Variants in CAB39L observed in about 807,000 individuals in gnomAD.
CAB39L encodes the protein calcium binding protein 39 like, also known as calcium-binding protein 39-like.
Under a neutral mutation model 39.1 loss-of-function variants are expected in CAB39L, and 23 were observed. That is an observed-to-expected ratio of 0.59 (90% CI 0.42 to 0.83). CAB39L has a LOEUF of 0.83. Ranked by LOEUF, CAB39L falls within the 40% of genes least tolerant of loss-of-function variation. The probability of loss-of-function intolerance (pLI) is 0.00; values close to 1 mark genes in which losing one functional copy is unlikely to be tolerated. For missense variants in CAB39L, 366 were observed against 391.9 expected (o/e 0.93, Z 0.56); for synonymous variants, 126 against 137.2 (o/e 0.92, Z 0.57).
chr13:49,326,793 ATCT>A (rs2138373080), intron 10 of CAB39L, among the ~76,000 whole-genome samples: 1 of 152,246 alleles, frequency 6.6e-6, no homozygotes, highest in East Asian at 1.9e-4. Context: ...CCAAATTCTG[ATCT>A]TCTCAGAGGA....
At chr13:49,428,778 T>C (rs1957278251) in intron 3 of CAB39L, among the ~76,000 whole-genome samples, 1 of 152,162 alleles carries the variant, frequency 6.6e-6, no homozygotes, top group Admixed American at 6.5e-5. Context: ...GTATGTGGCA[T>C]TTTTTGCCTC....
chr13:49,324,105 A>T (rs1297640910), intron 10 of CAB39L, among the ~76,000 whole-genome samples: 1 of 152,034 alleles, frequency 6.6e-6, no homozygotes, highest in Non-Finnish European at 1.5e-5. Context: ...TGAGGTCAGG[A>T]GTTTGAGAAC....
intron 3 of CAB39L, among the ~76,000 whole-genome samples, chr13:49,383,537 G>A (rs1319004910): frequency 6.6e-6 from 1 of 152,116 alleles, no homozygotes; most frequent in Non-Finnish European, 1.5e-5. Context: ...ATTTTAAAAA[G>A]AAGCCAAATG....
chr13:49,331,019 G>A (rs979993955), intron 10 of CAB39L, among the ~76,000 whole-genome samples: 9 of 152,126 alleles, frequency 5.9e-5, no homozygotes, highest in Non-Finnish European at 1.2e-4. Flanking sequence ...ATAAAATTAG[G>A]ATATCAGTTG....
At chr13:49,334,084 T>C (rs1954786213) in intron 9 of CAB39L, among the ~76,000 whole-genome samples, 1 of 152,186 alleles carries the variant, frequency 6.6e-6, no homozygotes, top group African/African-American at 2.4e-5. Context: ...CTACCAATTT[T>C]CTGTTTTTAA....
At chr13:49,416,989 C>G (rs530724762) in intron 3 of CAB39L, among the ~76,000 whole-genome samples, 1 of 152,226 alleles carries the variant, frequency 6.6e-6, no homozygotes, top group East Asian at 1.9e-4. Flanking sequence ...AAATGTTAGT[C>G]TATAGTAATT....
At chr13:49,435,560 G>A (rs1957396597) in intron 1 of CAB39L, among the ~76,000 whole-genome samples, 1 of 152,140 alleles carries the variant, frequency 6.6e-6, no homozygotes, top group African/African-American at 2.4e-5. Context: ...GAGTGCAGCG[G>A]CATGATCTGG....
chr13:49,375,180 T>C (rs1022026442), intron 5 of CAB39L, among the ~76,000 whole-genome samples: 3 of 152,164 alleles, frequency 2.0e-5, no homozygotes, highest in Middle Eastern at 3.2e-3. Flanking sequence ...TATATGTATA[T>C]ATTTTTATTT....
chr13:49,409,591 T>C (rs1444692271), intron 3 of CAB39L, among the ~76,000 whole-genome samples: 2 of 151,828 alleles, frequency 1.3e-5, no homozygotes, highest in African/African-American at 4.8e-5. Flanking sequence ...AGTGGAATAA[T>C]ATATATTTTT....
At chr13:49,415,161 C>T (rs1328198539) in intron 3 of CAB39L, among the ~76,000 whole-genome samples, 1 of 151,894 alleles carries the variant, frequency 6.6e-6, no homozygotes, top group Non-Finnish European at 1.5e-5. Flanking sequence ...CATGCCACTG[C>T]ACTCCAGTCT....
Position 49,344,199 on chromosome 13 carries a change from A to C in CAB39L, c.604T>G (p.Leu202Val). The C allele has an allele frequency of 6.2e-7, 1 of 1,600,648 alleles. No individual in the cohort carries two copies. The highest frequency in any genetic ancestry group is 1.1e-5 in the South Asian group (1 of 90,290). ...TRHKVLVADF[L>V]EQNYDTIFED... Reference sequence around the variant, plus strand: ...CTTACAGTGTCGTAATTTTGTTCTAAGAAGTCTGCTACCAACACTTTATGT... The same window carrying C: ...CTTACAGTGTCGTAATTTTGTTCTACGAAGTCTGCTACCAACACTTTATGT... The change falls in exon 8 of 11, where the codon TTA (leucine) becomes GTA (valine). Residue 202 changes from leucine (L) to valine (V), a missense_variant. Coordinates refer to ENST00000409308, the MANE Select transcript of CAB39L (RefSeq NM_001079670.3).
Position 49,423,134 on chromosome 13 carries a change from A to G in CAB39L, c.-32+10184T>C, listed in dbSNP as rs186346069. 1.9e-3 allele frequency among the ~76,000 whole-genome samples: 288 copies of G among 152,348 alleles called. 2 individuals are homozygous for G. Among genetic ancestry groups the G allele is most frequent in the African/African-American group, 6.5e-3 (270 of 41,574 alleles). ...TGAAGGACTATACCATAGATCATTGATGCTCTATCATTAGTATCATCAGGA... is the reference window on the plus strand; with the variant it reads ...TGAAGGACTATACCATAGATCATTGGTGCTCTATCATTAGTATCATCAGGA... On this transcript the variant is annotated intron_variant, in intron 3 of 10. Transcript: ENST00000409308.
At chr13:49,363,825 A>C (rs1294950598) in intron 5 of CAB39L, among the ~76,000 whole-genome samples, 1 of 150,262 alleles carries the variant, frequency 6.7e-6, no homozygotes, top group Non-Finnish European at 1.5e-5. Context: ...CCTGTCTCAA[A>C]AAAAAAAAAA....
chr13:49,372,503 AG>A (rs56041650), intron 5 of CAB39L, among the ~76,000 whole-genome samples: 16,099 of 152,038 alleles, frequency 0.11, 2,060 homozygotes, highest in African/African-American at 0.3. Flanking sequence ...CAGTGCTGCC[AG>A]CCACCATCAC....
At chr13:49,330,677 TTTTA>T (rs531634941) in intron 10 of CAB39L, among the ~76,000 whole-genome samples, 44 of 150,002 alleles carry the variant, frequency 2.9e-4, no homozygotes, top group African/African-American at 1.1e-3. Flanking sequence ...ATATTTATTT[TTTTA>T]TTTATTATAA....
intron 1 of CAB39L, among the ~76,000 whole-genome samples, chr13:49,438,592 T>C (rs1957454895): frequency 6.6e-6 from 1 of 152,236 alleles, no homozygotes; most frequent in Admixed American, 6.5e-5. Flanking sequence ...AGGAATTATT[T>C]TATTTCTTTG....
At chr13:49,428,943 A>G (rs1957280766) in intron 3 of CAB39L, among the ~76,000 whole-genome samples, 1 of 152,248 alleles carries the variant, frequency 6.6e-6, no homozygotes, top group South Asian at 2.1e-4. Flanking sequence ...TCCAGAAATT[A>G]AATGGTTTAC....
intron 3 of CAB39L, among the ~76,000 whole-genome samples, chr13:49,428,819 G>T (rs1229840567): frequency 1.9e-5 from 2 of 107,228 alleles, no homozygotes; most frequent in Non-Finnish European, 3.6e-5. Context: ...AAAGTAGGAG[G>T]TTGGTATGAC....
chr13:49,408,857 T>C (rs1049563951), intron 3 of CAB39L, among the ~76,000 whole-genome samples: 1 of 151,802 alleles, frequency 6.6e-6, no homozygotes, highest in Non-Finnish European at 1.5e-5. Flanking sequence ...GGCAACTAAA[T>C]AAACAGTGGT....
Sources: allele counts gnomAD v4.1 joint callset (sites outside exome capture counted in the v4.1 genomes callset), GRCh38; gene constraint gnomAD v4.1.1; transcripts MANE v1.5; gene names NCBI Gene and HGNC (gene_info 2026-07-23, HGNC 2026-07-21).